Variants in ARPP21 observed in about 807,000 individuals in gnomAD.
ARPP21 encodes the protein cAMP-regulated phosphoprotein 21.
ARPP21 carries 69 observed loss-of-function variants against 113.2 expected under a neutral mutation model. The ratio of observed to expected loss-of-function variants is 0.61; its 90% CI spans 0.50 to 0.74. ARPP21 has a LOEUF of 0.74. Ranked by LOEUF, ARPP21 falls within the 30% of genes least tolerant of loss-of-function variation. The pLI is 0.00. For synonymous variants in ARPP21, 368 were observed against 375.5 expected (o/e 0.98, Z 0.23); for missense variants, 1,070 against 1,037.4 (o/e 1.03, Z -0.43).
chr3:35,763,607 C>T (rs983092432), intron 19 of ARPP21, among the ~76,000 whole-genome samples: 1 of 152,018 alleles, frequency 6.6e-6, no homozygotes, highest in Non-Finnish European at 1.5e-5. Flanking sequence ...GGAACAAAAC[C>T]CCTGAAAATC....
At chr3:35,664,233 T>C (rs914280617) in intron 1 of ARPP21, among the ~76,000 whole-genome samples, 13 of 152,242 alleles carry the variant, frequency 8.5e-5, no homozygotes, top group African/African-American at 3.1e-4. Flanking sequence ...GTATTCATTG[T>C]GTAATGATCG....
At chr3:35,761,301 G>T in intron 19 of ARPP21, among the ~76,000 whole-genome samples, 1 of 151,932 alleles carries the variant, frequency 6.6e-6, no homozygotes, top group East Asian at 1.9e-4. Flanking sequence ...AAGGTGGGTG[G>T]GTAGGCAACG....
intron 1 of ARPP21, among the ~76,000 whole-genome samples, chr3:35,662,200 A>T (rs1708138020): frequency 6.6e-6 from 1 of 152,212 alleles, no homozygotes; most frequent in Admixed American, 6.5e-5. Context: ...CCAACTTAGC[A>T]GTACCAATTG....
chr3:35,725,639 C>T (rs1007036931), intron 14 of ARPP21, among the ~76,000 whole-genome samples: 3 of 152,206 alleles, frequency 2.0e-5, no homozygotes, highest in Admixed American at 6.5e-5. Context: ...TGTCCTTCCC[C>T]TTCTGCCCTG....
rs1411727245 is a variant in ARPP21, at chr3:35,687,848, C to A, written c.371C>A (p.Thr124Asn). ...GAAAAGGATAAAAACAAAGATAAAACCTCTGAAAAACCCAAGATCAGAATG... is the reference window on the plus strand; with the variant it reads ...GAAAAGGATAAAAACAAAGATAAAAACTCTGAAAAACCCAAGATCAGAATG... ...EKEKDKNKDK[T>N]SEKPKIRMLS... The change falls in exon 6 of 21, where the codon ACC (threonine) becomes AAC (asparagine). Residue 124 changes from threonine to asparagine, a missense_variant. By Grantham distance (65) the Thr-to-Asn change is moderately conservative (BLOSUM62 0). Transcript: ENST00000684406. 1 of 1,591,820 alleles carries A rather than the reference C, an allele frequency of 6.3e-7. No homozygotes were observed.
At chr3:35,763,322 A>G (rs941924483) in intron 19 of ARPP21, among the ~76,000 whole-genome samples, 2 of 152,120 alleles carry the variant, frequency 1.3e-5, no homozygotes, top group East Asian at 1.9e-4. Flanking sequence ...GAATTTTTAC[A>G]TGGCCTTAGG....
chr3:35,752,670 T>C (rs1021276686), intron 19 of ARPP21, among the ~76,000 whole-genome samples: 5 of 151,998 alleles, frequency 3.3e-5, no homozygotes, highest in African/African-American at 1.2e-4. Flanking sequence ...AGCTCTGGAG[T>C]GTCTTGAGAT....
intron 9 of ARPP21, among the ~76,000 whole-genome samples, chr3:35,692,242 C>T (rs2082445555): frequency 2.0e-5 from 3 of 151,678 alleles, no homozygotes; most frequent in African/African-American, 7.3e-5. Flanking sequence ...TAGCAAAACA[C>T]ATTTTAAAAA....
At chr3:35,756,332 T>C (rs1305554904) in intron 19 of ARPP21, among the ~76,000 whole-genome samples, 1 of 152,144 alleles carries the variant, frequency 6.6e-6, no homozygotes, top group African/African-American at 2.4e-5. Flanking sequence ...GACAGTCTTA[T>C]GAGTGGGTTC....
intron 5 of ARPP21, chr3:35,685,445 T>A: frequency 1.0e-6 from 1 of 985,138 alleles, no homozygotes; most frequent in Non-Finnish European, 1.2e-6. Context: ...CGTGCTACCT[T>A]TTTAGAGAAT....
At chr3:35,681,676 T>C in intron 2 of ARPP21, 38 bp from the exon 3 acceptor site, 1 of 1,092,016 alleles carries the variant, frequency 9.2e-7, no homozygotes, top group Non-Finnish European at 1.4e-6. Flanking sequence ...AGTAAATACC[T>C]TGCACTGACT....
chr3:35,681,519 G>C, intron 2 of ARPP21, 195 bp from the exon 3 acceptor site: 1 of 481,796 alleles, frequency 2.1e-6, no homozygotes. Flanking sequence ...GTGTAAAGGG[G>C]GTGTGGATGG....
At chr3:35,687,020 C>T (rs1031222564) in intron 5 of ARPP21, among the ~76,000 whole-genome samples, 1 of 150,912 alleles carries the variant, frequency 6.6e-6, no homozygotes, top group African/African-American at 2.4e-5. Context: ...CTAACTGATG[C>T]TAAAATAAAA....
chr3:35,639,022 C>G (rs2148814910), upstream of ARPP21: 1 of 151,456 alleles, frequency 6.6e-6, no homozygotes, highest in East Asian at 2.0e-4. This position sits in a 1 kb window ranked among gnomAD's most constrained non-coding sequence, Gnocchi z 5.0. Context: ...CAGGGGCGCC[C>G]CCGAGACGGG....
At position 35,707,529 on chromosome 3, in the gene ARPP21, A is replaced by T. The variant is rs1016752555; in HGVS notation, c.795+447A>T. The T allele has an allele frequency of 2.8e-5, 13 of 458,376 alleles. No individual in the cohort carries two copies. In the East Asian group the frequency reaches 9.0e-4, roughly 32 times the overall value. 28.4% of individuals were successfully genotyped at this position (458,376 alleles called of 1,614,324 possible). A position where few individuals can be genotyped will look rare whatever the true frequency, so the allele number is the denominator to read the frequency against. On this transcript the variant is annotated intron_variant, in intron 10 of 20. Transcript: ENST00000684406. The stretch of plus-strand genomic sequence containing the variant: ...ATCAACCGGTGTAGCTGTAAAGAAC[A>T]AACCTTGTTATGGTGAGGACAGGTG...
At chr3:35,667,885 A>AGAAGAAGAG (rs777434867) in intron 1 of ARPP21, among the ~76,000 whole-genome samples, 2,285 of 97,684 alleles carry the variant, frequency 0.023, 218 homozygotes, top group Middle Eastern at 0.048. Context: ...AAGAAGAAGA[A>AGAAGAAGAG]GAAGAGGAAG....
chr3:35,768,279 T>C (rs970697452), intron 19 of ARPP21, among the ~76,000 whole-genome samples: 3 of 152,068 alleles, frequency 2.0e-5, no homozygotes, highest in African/African-American at 7.2e-5. Flanking sequence ...CCTTTTCTCT[T>C]TTAATCCATG....
intron 7 of ARPP21, 147 bp downstream of exon 7, chr3:35,689,532 A>G (rs1288334579): frequency 3.5e-6 from 2 of 576,766 alleles, no homozygotes; most frequent in South Asian, 2.4e-5. Flanking sequence ...TTTTTTTTCT[A>G]CTAATCGTTT....
At chr3:35,649,792 T>C (rs1701687551) in intron 1 of ARPP21, among the ~76,000 whole-genome samples, 1 of 152,064 alleles carries the variant, frequency 6.6e-6, no homozygotes. Context: ...GGAAAAATGA[T>C]AGGAATAACC....
Sources: gnomAD v4.1 joint callset for allele counts (sites outside exome capture counted in the v4.1 genomes callset) on GRCh38, gnomAD v4.1.1 for gene constraint, Gnocchi (gnomAD v3.1) non-coding constraint, MANE v1.5 for transcripts, NCBI Gene and HGNC (gene_info 2026-07-23, HGNC 2026-07-21) for gene names.